The following WNT7A variants were observed in gnomAD, a reference collection of about 807,000 sequenced individuals.
WNT7A encodes the protein protein Wnt-7a.
Under a neutral mutation model 28.2 loss-of-function variants are expected in WNT7A, and 16 were observed. That is an observed-to-expected ratio of 0.57 (90% CI 0.38 to 0.86). WNT7A has a LOEUF of 0.86. Among genes scored for constraint, WNT7A ranks in the 40% least tolerant of loss-of-function variants. The pLI, the probability that WNT7A is intolerant of heterozygous loss-of-function variation, is 0.00. For missense variants in WNT7A, 411 were observed against 489.7 expected, an observed-to-expected ratio of 0.84 and a Z score of 1.52; for synonymous variants, 190 against 195.9, an observed-to-expected ratio of 0.97 and a Z score of 0.25.
intron 2 of WNT7A, among the ~76,000 whole-genome samples, chr3:13,856,154 G>A (rs781664008): frequency 6.8e-4 from 104 of 152,280 alleles, no homozygotes; most frequent in African/African-American, 2.0e-3. Flanking sequence ...TTGCCGTGGC[G>A]TGCCATGCCA....
At chr3:13,834,933 A>G (rs1559297246) in intron 3 of WNT7A, among the ~76,000 whole-genome samples, 3 of 152,208 alleles carry the variant, frequency 2.0e-5, no homozygotes, top group African/African-American at 4.8e-5. Context: ...CCAGGAACAT[A>G]GCGGGTGCTC....
At chr3:13,823,874 T>C (rs1275797519) in intron 3 of WNT7A, among the ~76,000 whole-genome samples, 1 of 152,132 alleles carries the variant, frequency 6.6e-6, no homozygotes, top group Non-Finnish European at 1.5e-5. Flanking sequence ...TGCTGGGCCC[T>C]TCAGGATGTC....
intron 2 of WNT7A, among the ~76,000 whole-genome samples, chr3:13,860,227 A>G (rs1036883444): frequency 1.3e-5 from 2 of 152,154 alleles, no homozygotes; most frequent in African/African-American, 4.8e-5. Context: ...GCTCTGAGTT[A>G]GAGTGATTTG....
intron 1 of WNT7A, 28 bp downstream of exon 1, chr3:13,879,718 G>A (rs750460198): frequency 1.3e-5 from 21 of 1,608,972 alleles, no homozygotes; most frequent in Non-Finnish European, 1.6e-5. Context: ...GTCGAAACAC[G>A]CGCGGAAAGG....
chr3:13,830,083 C>T (rs1694253151), intron 3 of WNT7A, among the ~76,000 whole-genome samples: 1 of 152,146 alleles, frequency 6.6e-6, no homozygotes, highest in Admixed American at 6.5e-5. Context: ...TGCTCCTGGT[C>T]CCCGCAGCGT....
At chr3:13,849,710 A>G (rs1694597490) in intron 3 of WNT7A, among the ~76,000 whole-genome samples, 1 of 152,200 alleles carries the variant, frequency 6.6e-6, no homozygotes, top group Non-Finnish European at 1.5e-5. Flanking sequence ...GACAGACAGC[A>G]GGGGAGGGAA....
intron 3 of WNT7A, among the ~76,000 whole-genome samples, chr3:13,850,678 T>C (rs889525577): frequency 6.6e-6 from 1 of 151,936 alleles, no homozygotes; most frequent in Non-Finnish European, 1.5e-5. Flanking sequence ...GCTGAGAGCC[T>C]CCACCCTCCC....
At chr3:13,848,554 CA>C (rs1225260549) in intron 3 of WNT7A, among the ~76,000 whole-genome samples, 1 of 152,122 alleles carries the variant, frequency 6.6e-6, no homozygotes, top group East Asian at 1.9e-4. Context: ...ATCAGAATGG[CA>C]AAAAAATTTT....
At chr3:13,820,831 T>A (rs556581474) in intron 3 of WNT7A, among the ~76,000 whole-genome samples, 1 of 152,026 alleles carries the variant, frequency 6.6e-6, no homozygotes, top group South Asian at 2.1e-4. Context: ...CATTTCAACC[T>A]CAGTATCTGC....
chr3:13,848,409 T>C (rs1233787505), intron 3 of WNT7A, among the ~76,000 whole-genome samples: 1 of 151,926 alleles, frequency 6.6e-6, no homozygotes, highest in African/African-American at 2.4e-5. Flanking sequence ...ACTTAGAAAA[T>C]AGGCAAAAAG....
At chr3:13,869,803 T>C (rs1553577080) in intron 2 of WNT7A, among the ~76,000 whole-genome samples, 1 of 152,078 alleles carries the variant, frequency 6.6e-6, no homozygotes, top group Non-Finnish European at 1.5e-5. Flanking sequence ...AGGTAGCAGT[T>C]GGTCAAACTG....
intron 3 of WNT7A, among the ~76,000 whole-genome samples, chr3:13,828,261 C>T (rs2124832847): frequency 6.6e-6 from 1 of 152,302 alleles, no homozygotes; most frequent in South Asian, 2.1e-4. Flanking sequence ...TGTGGACAGG[C>T]ATCGTGCAAC....
At chr3:13,840,596 TCATCCATCCATC>T (rs113782895) in intron 3 of WNT7A, among the ~76,000 whole-genome samples, 38 of 150,206 alleles carry the variant, frequency 2.5e-4, no homozygotes, top group African/African-American at 8.6e-4. Context: ...AGCTATTCAT[TCATCCATCCATC>T]CATCCATCCA....
At chr3:13,872,739 G>A (rs972228902) in intron 2 of WNT7A, among the ~76,000 whole-genome samples, 5 of 152,126 alleles carry the variant, frequency 3.3e-5, no homozygotes, top group Admixed American at 6.5e-5. Flanking sequence ...AACAGGAGAG[G>A]ATCCTTGTCC....
At chr3:13,832,000 C>A (rs2124836551) in intron 3 of WNT7A, among the ~76,000 whole-genome samples, 1 of 152,200 alleles carries the variant, frequency 6.6e-6, no homozygotes, top group Middle Eastern at 3.4e-3. Context: ...CCCCGGGAGA[C>A]AATAAGTGTG....
At chr3:13,829,066 A>G (rs1694239664) in intron 3 of WNT7A, among the ~76,000 whole-genome samples, 1 of 152,170 alleles carries the variant, frequency 6.6e-6, no homozygotes, top group Admixed American at 6.5e-5. Flanking sequence ...AGAGACCCGG[A>G]AAAGCAACTT....
chr3:13,823,152 G>T (rs1325141444), intron 3 of WNT7A, among the ~76,000 whole-genome samples: 2 of 152,200 alleles, frequency 1.3e-5, no homozygotes, highest in African/African-American at 4.8e-5. Flanking sequence ...CGAGGCAGGG[G>T]ACAATAGCAG....
intron 3 of WNT7A, 116 bp from the exon 4 acceptor site, chr3:13,819,539 G>A: frequency 1.4e-6 from 2 of 1,382,148 alleles, no homozygotes; most frequent in Non-Finnish European, 1.9e-6. Context: ...TCTGGCTTTA[G>A]TTTTTTCTTT....
chr3:13,838,580 A>G (rs541947213), intron 3 of WNT7A, among the ~76,000 whole-genome samples: 1 of 152,336 alleles, frequency 6.6e-6, no homozygotes, highest in South Asian at 2.1e-4. Context: ...GGGCTGGCTC[A>G]GGCAGAGAAC....
Sources: allele counts gnomAD v4.1 joint callset (sites outside exome capture counted in the v4.1 genomes callset), GRCh38; gene constraint gnomAD v4.1.1; transcripts MANE v1.5; gene names NCBI Gene and HGNC (gene_info 2026-07-23, HGNC 2026-07-21).